The following SLMAP variants were observed in gnomAD, a reference collection of about 807,000 sequenced individuals.
SLMAP encodes the protein sarcolemma associated protein.
Under a neutral mutation model 128.8 loss-of-function variants are expected in SLMAP, and 44 were observed. That is an observed-to-expected ratio of 0.34 (90% confidence interval 0.27 to 0.44). The LOEUF (loss-of-function observed/expected upper bound fraction) is 0.44, where lower values mean the gene tolerates loss of function less well. SLMAP is among the 20% of genes least tolerant of loss of function. The pLI is 1.00. For synonymous variants in SLMAP, 327 were observed against 348.8 expected (o/e 0.94, Z 0.70); for missense variants, 787 against 985.3 (o/e 0.80, Z 2.69).
intron 2 of SLMAP, among the ~76,000 whole-genome samples, chr3:57,830,475 C>T (rs920389550): frequency 6.6e-6 from 1 of 152,028 alleles, no homozygotes; most frequent in African/African-American, 2.4e-5. Context: ...GTAGAAAAAT[C>T]GAAAAAGAAA....
intron 5 of SLMAP, among the ~76,000 whole-genome samples, chr3:57,848,533 T>C (rs893017652): frequency 6.7e-6 from 1 of 149,960 alleles, no homozygotes; most frequent in Non-Finnish European, 1.5e-5. Flanking sequence ...TCTTTCTCCT[T>C]CTTCCTTCCC....
chr3:57,921,808 C>T (rs1162533229), intron 22 of SLMAP, among the ~76,000 whole-genome samples: 1 of 151,948 alleles, frequency 6.6e-6, no homozygotes, highest in African/African-American at 2.4e-5. Context: ...CGGGTTCAAG[C>T]GATTCTCCTG....
intron 10 of SLMAP, among the ~76,000 whole-genome samples, chr3:57,863,998 G>A (rs2095214010): frequency 1.3e-5 from 2 of 152,094 alleles, no homozygotes; most frequent in Non-Finnish European, 2.9e-5. Flanking sequence ...ACCTCTGTGT[G>A]TACTGAGCCT....
intron 19 of SLMAP, 79 bp from the exon 20 acceptor site, chr3:57,912,302 G>A (rs1217020325): frequency 3.3e-6 from 4 of 1,229,096 alleles, no homozygotes; most frequent in East Asian, 4.7e-5. Context: ...GACAACCCAG[G>A]TTATGCATTA....
intron 6 of SLMAP, among the ~76,000 whole-genome samples, chr3:57,853,989 ATATATATATATT>A (rs2094629778): frequency 1.8e-5 from 2 of 109,258 alleles, no homozygotes; most frequent in African/African-American, 3.5e-5. Flanking sequence ...ATATATATAT[ATATATATATATT>A]TACATATAAT....
chr3:57,765,087 A>G (rs1260119648), intron 2 of SLMAP, among the ~76,000 whole-genome samples: 1 of 152,182 alleles, frequency 6.6e-6, no homozygotes, highest in Non-Finnish European at 1.5e-5. Flanking sequence ...AACAGTGGCA[A>G]ATGCCTGTAA....
rs1559870294 is a variant in SLMAP at position 57,756,843 on chromosome 3, C to T, written c.-809C>T. 4 of 152,288 alleles carry T rather than the reference C, an allele frequency of 2.6e-5. No homozygotes were observed. Among genetic ancestry groups the T allele is most frequent in the Admixed American group, 6.5e-5 (1 of 15,286 alleles). The allele number at this position is 152,288 out of a possible 1,614,324, so 9.4% of individuals were successfully genotyped here. On this transcript the variant is annotated 5_prime_UTR_variant, in exon 2 of 25. Transcript: ENST00000671191. ...GAACTCGAGCCTCCCGGTGTCGCGC[C>T]TCGCTCGGTCCGCACCGGCCTGCGG...
chr3:57,791,098 G>GT (rs1449762417), intron 2 of SLMAP, among the ~76,000 whole-genome samples: 3 of 152,172 alleles, frequency 2.0e-5, no homozygotes, highest in Non-Finnish European at 2.9e-5. Context: ...GCTTACGCTT[G>GT]TAATCCCAGC....
Position 57,896,575 on chromosome 3 carries a change from C to G in SLMAP, c.1425C>G (p.Ser475Arg). ...CTCTGAGTCCAAGCAAGGAAAAAAG[C>G]AGTGACGACACTACAGGTGAGTTTT... The part of the protein sequence containing the change: ...SDTLSPSKEK[S>R]SDDTTDAQMD... The change falls in exon 16 of 25, where the codon AGC becomes AGG. Residue 475 changes from serine (S) to arginine (R), a missense_variant. This residue lies in a region of SLMAP where 715 missense variants were observed against 843.6 expected (regional missense o/e 0.85). Transcript: ENST00000671191. The G allele has an allele frequency of 6.2e-7, 1 of 1,609,432 alleles. No individual in the cohort carries two copies. The highest frequency in any genetic ancestry group is 8.5e-7 in the Non-Finnish European group (1 of 1,177,982).
At chr3:57,859,008 T>C (rs1577842125) in intron 8 of SLMAP, among the ~76,000 whole-genome samples, 1 of 152,246 alleles carries the variant, frequency 6.6e-6, no homozygotes, top group East Asian at 1.9e-4. Context: ...CCTTCACTTA[T>C]TTAGCTGGGT....
At chr3:57,889,073 A>G (rs1199530275) in intron 14 of SLMAP, among the ~76,000 whole-genome samples, 1 of 152,092 alleles carries the variant, frequency 6.6e-6, no homozygotes, top group Non-Finnish European at 1.5e-5. Flanking sequence ...TCCAGTAGAG[A>G]CAGGGTTTCA....
At position 57,927,473 on chromosome 3, in the gene SLMAP, C is replaced by T; in HGVS notation, c.*184C>T. On this transcript the variant is annotated 3_prime_UTR_variant, in exon 25 of 25. Coordinates refer to ENST00000671191, the MANE Select transcript of SLMAP (RefSeq NM_001377540.1). Reference sequence around the variant, plus strand: ...GGGGACAAACAGAACCATTTTCTTCCTCTTTACCTCTTAAAACAGCAGAAG... The same window carrying T: ...GGGGACAAACAGAACCATTTTCTTCTTCTTTACCTCTTAAAACAGCAGAAG... 1.5e-6 allele frequency: 1 copy of T among 677,598 alleles called. No individual in the cohort carries two copies. The highest frequency in any genetic ancestry group is 2.5e-6 in the Non-Finnish European group (1 of 404,166). 42.0% of individuals were successfully genotyped at this position (677,598 alleles called of 1,614,324 possible). A position where few individuals can be genotyped will look rare whatever the true frequency, so the allele number is the denominator to read the frequency against.
At chr3:57,854,273 G>T (rs1407651105) in intron 6 of SLMAP, among the ~76,000 whole-genome samples, 1 of 151,188 alleles carries the variant, frequency 6.6e-6, no homozygotes, top group African/African-American at 2.4e-5. Context: ...AATGCAATAG[G>T]CTGTGCGAGT....
At chr3:57,856,840 TCTC>T (rs750568634) in intron 6 of SLMAP, among the ~76,000 whole-genome samples, 2 of 152,174 alleles carry the variant, frequency 1.3e-5, no homozygotes, top group Non-Finnish European at 2.9e-5. Flanking sequence ...TACACCAACA[TCTC>T]CTCAAACACG....
chr3:57,922,909 A>C lies in SLMAP; in HGVS notation c.2331A>C (p.Val777=), dbSNP rs2096942685. 6.2e-7 allele frequency: 1 copy of C among 1,613,164 alleles called. No homozygotes were observed. Among genetic ancestry groups the C allele is most frequent in the African/African-American group, 1.3e-5 (1 of 74,870 alleles). Residue 777 remains valine, a synonymous_variant, in exon 23 of 25, where the codon GTA becomes GTC. Coordinates refer to ENST00000671191, the MANE Select transcript of SLMAP (RefSeq NM_001377540.1). ...VQKEYEKTQT[V]LSELKLKFEM... Reference sequence around the variant, plus strand: ...TTTAGTATGAAAAGACACAGACTGTACTCTCAGAACTGAAGTTGAAGTTTG... The same window carrying C: ...TTTAGTATGAAAAGACACAGACTGTCCTCTCAGAACTGAAGTTGAAGTTTG...
intron 4 of SLMAP, among the ~76,000 whole-genome samples, chr3:57,842,675 T>G (rs1449075875): frequency 6.6e-6 from 1 of 152,218 alleles, no homozygotes; most frequent in Non-Finnish European, 1.5e-5. Flanking sequence ...CAAAGTCAGT[T>G]GGAATGTATT....
At chr3:57,909,542 A>C (rs2096644278) in intron 19 of SLMAP, among the ~76,000 whole-genome samples, 1 of 151,674 alleles carries the variant, frequency 6.6e-6, no homozygotes, top group South Asian at 2.1e-4. Flanking sequence ...AAGAAGGCAG[A>C]GAGTCCCCAT....
chr3:57,894,566 C>T (rs2096187874), intron 15 of SLMAP, among the ~76,000 whole-genome samples: 1 of 152,106 alleles, frequency 6.6e-6, no homozygotes, highest in Non-Finnish European at 1.5e-5. Context: ...TTTATAATCT[C>T]ACTAAGGAAA....
chr3:57,794,190 C>T (rs1278889453), intron 2 of SLMAP, among the ~76,000 whole-genome samples: 1 of 151,856 alleles, frequency 6.6e-6, no homozygotes, highest in African/African-American at 2.4e-5. Flanking sequence ...ACTTTCCTAA[C>T]TTCTTTAGTG....
Sources: allele counts gnomAD v4.1 joint callset (sites outside exome capture counted in the v4.1 genomes callset), GRCh38; gene constraint gnomAD v4.1.1; regional missense constraint gnomAD v4.1.1; transcripts MANE v1.5; gene names NCBI Gene and HGNC (gene_info 2026-07-23, HGNC 2026-07-21).